CCNG1: variants seen among roughly 807,000 people sequenced by gnomAD.
CCNG1 encodes cyclin G1, also known as cyclin-G1.
Under a neutral mutation model 30.0 loss-of-function variants are expected in CCNG1, and 13 were observed. The ratio of observed to expected loss-of-function variants is 0.43; its 90% confidence interval spans 0.28 to 0.69. CCNG1 has a LOEUF of 0.69. Among genes scored for constraint, CCNG1 ranks in the 30% least tolerant of loss-of-function variants. The pLI is 0.16. For missense variants in CCNG1, 285 were observed against 331.4 expected (o/e 0.86, Z 1.09); for synonymous variants, 110 against 121.5 (o/e 0.91, Z 0.62).
At chr5:163,452,058 A>G in the CCNG1 span, 3 of 152,076 alleles carry the variant, frequency 2.0e-5, no homozygotes, top group African/African-American at 7.2e-5. Context: ...CACCTTAAAA[A>G]AAAAAAACCC....
downstream of CCNG1, chr5:163,448,969 T>C (rs1758111331): frequency 1.3e-5 from 2 of 152,164 alleles, no homozygotes; most frequent in Non-Finnish European, 2.9e-5. Context: ...AAAGGGAATT[T>C]AAGAAAAGCC....
downstream of CCNG1, among the ~76,000 whole-genome samples, chr5:163,445,323 TTTG>T (rs1483415566): frequency 2.0e-5 from 3 of 151,830 alleles, no homozygotes; most frequent in Non-Finnish European, 4.4e-5. Flanking sequence ...TAGCTGACAC[TTTG>T]TTTTGTTTTT....
chr5:163,450,413 T>C, downstream of CCNG1: 1 of 152,070 alleles, frequency 6.6e-6, no homozygotes, highest in Admixed American at 6.6e-5. Context: ...AAAGAGAGAA[T>C]AGGAGAAATT....
intron 5 of CCNG1, 100 bp from the exon 6 acceptor site, chr5:163,442,274 T>G: frequency 8.8e-7 from 1 of 1,131,438 alleles, no homozygotes; most frequent in Non-Finnish European, 1.3e-6. Flanking sequence ...ATGTTTTTAA[T>G]GAGCAAAGAC....
rs1757960949 is a variant in CCNG1 at position 163,444,054 on chromosome 5, T to G, written c.*384T>G. 1 of 206,978 alleles carries G rather than the reference T, an allele frequency of 4.8e-6. No homozygotes were observed. The highest frequency in any genetic ancestry group is 2.3e-5 in the African/African-American group (1 of 43,558). 12.8% of individuals were successfully genotyped at this position (206,978 alleles called of 1,614,324 possible). A position where few individuals can be genotyped will look rare whatever the true frequency, so the allele number is the denominator to read the frequency against. On this transcript the variant is annotated 3_prime_UTR_variant, in exon 7 of 7. Coordinates refer to ENST00000340828, the MANE Select transcript of CCNG1 (RefSeq NM_004060.4). The stretch of plus-strand genomic sequence containing the variant: ...ATCAACTATCAGTCTTCCCACAGCT[T>G]CAATCACTGTCATTATTCTAATCCT...
intron 1 of CCNG1, 103 bp from the exon 2 acceptor site, chr5:163,439,154 A>G (rs1309379652): frequency 6.2e-6 from 6 of 974,244 alleles, no homozygotes; most frequent in Non-Finnish European, 9.3e-6. Context: ...GCATTGGGGG[A>G]TGGGAGGCTT....
the CCNG1 span, among the ~76,000 whole-genome samples, chr5:163,455,329 T>G: frequency 6.6e-6 from 1 of 152,156 alleles, no homozygotes; most frequent in Non-Finnish European, 1.5e-5. Flanking sequence ...CAGGCCAGTA[T>G]GGCAAAAGCA....
rs1757862429 is a variant in CCNG1 at position 163,442,393 on chromosome 5, CCTT to C, written c.719_721del (p.Phe240del). 1.2e-6 allele frequency: 2 copies of C among 1,612,100 alleles called. No individual in the cohort carries two copies. Among genetic ancestry groups the C allele is most frequent in the African/African-American group, 2.7e-5 (2 of 74,858 alleles). ...GTACAGATAAATGGCAGAGATCTGA[CCTT>C]CTGGCAAGAGCTTGTATCCAAATGT... On this transcript the variant is annotated inframe_deletion, in exon 6 of 7. Transcript: ENST00000340828.
At chr5:163,447,938 G>A (rs575084267), downstream of CCNG1, 4 of 150,340 alleles carry the variant, frequency 2.7e-5, no homozygotes, top group East Asian at 5.8e-4. Flanking sequence ...TATAACAATC[G>A]ACTGCTTTTT....
At chr5:163,457,170 C>T in the CCNG1 span, 1 of 1,330,020 alleles carries the variant, frequency 7.5e-7, no homozygotes, top group East Asian at 2.6e-5. Context: ...GTATCACTCT[C>T]ACCCAGGCTG....
At chr5:163,447,269 T>A (rs1046468166), downstream of CCNG1, 1 of 152,528 alleles carries the variant, frequency 6.6e-6, no homozygotes, top group African/African-American at 2.4e-5. Flanking sequence ...CTACTCAACA[T>A]AGGGAGACCC....
downstream of CCNG1, chr5:163,446,805 A>T (rs1758048257): frequency 1.3e-5 from 2 of 152,374 alleles, no homozygotes; most frequent in South Asian, 4.1e-4. Flanking sequence ...ACTTGAGGCC[A>T]GGAGTTCGAG....
At chr5:163,441,684 G>A (rs1420727752) in intron 3 of CCNG1, 2 of 534,788 alleles carry the variant, frequency 3.7e-6, no homozygotes, top group East Asian at 3.1e-5. Context: ...TTAATTTTTT[G>A]GCCCAAATCA....
Position 163,443,802 on chromosome 5 carries a change from G to C in CCNG1, c.*132G>C. On this transcript the variant is annotated 3_prime_UTR_variant, in exon 7 of 7. Coordinates refer to ENST00000340828, the MANE Select transcript of CCNG1 (RefSeq NM_004060.4). ...TCACGAGATAAGCATGATGGTCTCA[G>C]ACTTGGGAAAACTGCCTAATATTAT... The C allele has an allele frequency of 1.9e-6, 2 of 1,036,472 alleles. No individual in the cohort carries two copies. The highest frequency in any genetic ancestry group is 2.8e-6 in the Non-Finnish European group (2 of 710,538). The allele number at this position is 1,036,472 out of a possible 1,614,324, so 64.2% of individuals were successfully genotyped here. A position where few individuals can be genotyped will look rare whatever the true frequency, so the allele number is the denominator to read the frequency against.
chr5:163,457,136 G>GTTT, the CCNG1 span: 10 of 1,372,652 alleles, frequency 7.3e-6, no homozygotes, highest in East Asian at 2.7e-5. Context: ...TCTTCATCAA[G>GTTT]TTGTTTTTTT....
the CCNG1 span, chr5:163,457,062 C>T: frequency 1.9e-6 from 3 of 1,606,248 alleles, no homozygotes; most frequent in South Asian, 3.4e-5. Context: ...AAGAACAATA[C>T]GAACCATTTT....
At chr5:163,442,795 C>T (rs1757885746) in intron 6 of CCNG1, among the ~76,000 whole-genome samples, 1 of 152,106 alleles carries the variant, frequency 6.6e-6, no homozygotes, top group Non-Finnish European at 1.5e-5. Flanking sequence ...ATACGTTAGC[C>T]ATTTCATTAA....
the CCNG1 span, chr5:163,457,528 T>TTTTAATTTGATTTATA: frequency 8.0e-7 from 1 of 1,251,062 alleles, no homozygotes; most frequent in Non-Finnish European, 1.2e-6. Flanking sequence ...GACAAAATTA[T>TTTTAATTTGATTTATA]TTTAATTTGA....
chr5:163,449,744 C>G (rs1444989849), downstream of CCNG1: 1 of 152,046 alleles, frequency 6.6e-6, no homozygotes, highest in Non-Finnish European at 1.5e-5. Flanking sequence ...GGAATAAAGT[C>G]CAAAACCAGA....
Sources: gnomAD v4.1 joint callset for allele counts (sites outside exome capture counted in the v4.1 genomes callset) on GRCh38, gnomAD v4.1.1 for gene constraint, MANE v1.5 for transcripts, NCBI Gene and HGNC (gene_info 2026-07-23, HGNC 2026-07-21) for gene names.